Variants in LUZP2 observed in about 807,000 individuals in gnomAD.
The protein encoded by LUZP2 is leucine zipper protein 2.
In LUZP2, 52 loss-of-function variants were observed where a neutral mutation model predicts 51.6. The observed-to-expected ratio is 1.01, with a 90% CI of 0.81 to 1.27. LUZP2 has a LOEUF of 1.27. Among genes scored for constraint, LUZP2 ranks in the 50% most tolerant of loss-of-function variants. LUZP2 has a pLI of 0.00. For missense variants in LUZP2, 436 were observed against 395.4 expected (o/e 1.10, Z -0.87); for synonymous variants, 154 against 137.3 (o/e 1.12, Z -0.85).
At chr11:24,741,909 A>G (rs924350276) in intron 4 of LUZP2, among the ~76,000 whole-genome samples, 2 of 118,762 alleles carry the variant, frequency 1.7e-5, no homozygotes, top group African/African-American at 8.6e-5. Flanking sequence ...ATATTTCTAT[A>G]TAATATATAC....
At chr11:24,654,994 A>G (rs1252080198) in intron 1 of LUZP2, among the ~76,000 whole-genome samples, 1 of 152,228 alleles carries the variant, frequency 6.6e-6, no homozygotes, top group Non-Finnish European at 1.5e-5. Flanking sequence ...GCCAAAAAAC[A>G]TAAGTTTTAA....
At chr11:24,659,604 T>G (rs1428486795) in intron 1 of LUZP2, among the ~76,000 whole-genome samples, 3 of 152,058 alleles carry the variant, frequency 2.0e-5, no homozygotes, top group Non-Finnish European at 4.4e-5. Context: ...TTAAATCTTT[T>G]CATATTCTAA....
chr11:24,918,058 G>T (rs1426225462), intron 7 of LUZP2, among the ~76,000 whole-genome samples: 1 of 151,932 alleles, frequency 6.6e-6, no homozygotes, highest in Non-Finnish European at 1.5e-5. Context: ...CACATCCCTT[G>T]TAAGTTGGAT....
Position 24,753,687 on chromosome 11 carries a change from A to G in LUZP2, c.334-9559A>G, listed in dbSNP as rs545697521. 2.6e-3 allele frequency among the ~76,000 whole-genome samples: 403 copies of G among 152,216 alleles called. 2 individuals are homozygous for G. Among genetic ancestry groups the G allele is most frequent in the African/African-American group, 9.1e-3 (379 of 41,520 alleles). ...CTTTTATAATCCTATCCATTTTTAC[A>G]TTTTTAAGTTCTTGTCCCAGGAACT... On this transcript the variant is annotated intron_variant, in intron 4 of 11. Coordinates refer to ENST00000336930, the MANE Select transcript of LUZP2 (RefSeq NM_001009909.4).
chr11:25,044,952 C>T (rs952996885), intron 9 of LUZP2, among the ~76,000 whole-genome samples: 4 of 150,270 alleles, frequency 2.7e-5, no homozygotes, highest in Non-Finnish European at 5.9e-5. Context: ...AGCAAAGTAT[C>T]GCAAGGACAA....
chr11:24,905,092 T>C (rs754812887), intron 5 of LUZP2, among the ~76,000 whole-genome samples: 21 of 152,192 alleles, frequency 1.4e-4, no homozygotes, highest in Admixed American at 6.5e-4. Flanking sequence ...ATATGCATCC[T>C]ACACTGGAGC....
intron 1 of LUZP2, among the ~76,000 whole-genome samples, chr11:24,555,038 T>G (rs1177874939): frequency 3.3e-5 from 5 of 152,154 alleles, no homozygotes; most frequent in African/African-American, 1.2e-4. Flanking sequence ...CTGGCCAAAC[T>G]ATCATTGATG....
chr11:24,918,781 T>G (rs1433095168), intron 7 of LUZP2, among the ~76,000 whole-genome samples: 1 of 148,688 alleles, frequency 6.7e-6, no homozygotes, highest in African/African-American at 2.5e-5. Flanking sequence ...TCTATTTCCC[T>G]TTGTATGAAT....
At chr11:24,696,645 A>G (rs1857255723) in intron 1 of LUZP2, among the ~76,000 whole-genome samples, 1 of 152,126 alleles carries the variant, frequency 6.6e-6, no homozygotes, top group African/African-American at 2.4e-5. Context: ...TAAAATGACA[A>G]AAAGAAAAAA....
intron 5 of LUZP2, among the ~76,000 whole-genome samples, chr11:24,862,232 G>T (rs999008733): frequency 7.9e-5 from 12 of 152,044 alleles, no homozygotes; most frequent in Admixed American, 6.6e-5. Context: ...CAAGAGATTG[G>T]GGACCAAAAT....
intron 7 of LUZP2, among the ~76,000 whole-genome samples, chr11:24,925,970 C>T (rs2133823766): frequency 6.6e-6 from 1 of 152,000 alleles, no homozygotes; most frequent in East Asian, 1.9e-4. Flanking sequence ...TTAGCTCCCA[C>T]TTATGAGAGA....
At chr11:24,742,376 T>A (rs1362841599) in intron 4 of LUZP2, among the ~76,000 whole-genome samples, 1 of 151,976 alleles carries the variant, frequency 6.6e-6, no homozygotes, top group Non-Finnish European at 1.5e-5. Flanking sequence ...GTTTATCGAT[T>A]TTTTGATTAT....
At chr11:24,748,460 C>T (rs544768143) in intron 4 of LUZP2, among the ~76,000 whole-genome samples, 14 of 150,310 alleles carry the variant, frequency 9.3e-5, no homozygotes, top group African/African-American at 3.2e-4. Flanking sequence ...TTCTTGTTAA[C>T]TTCCTTTTTT....
At chr11:24,962,555 A>G (rs1855446465) in intron 7 of LUZP2, among the ~76,000 whole-genome samples, 1 of 152,188 alleles carries the variant, frequency 6.6e-6, no homozygotes, top group African/African-American at 2.4e-5. Context: ...AGTTGATGGC[A>G]TCGGCTCCTG....
chr11:24,753,939 T>C (rs75273096), intron 4 of LUZP2, among the ~76,000 whole-genome samples: 4,359 of 152,282 alleles, frequency 0.029, 96 homozygotes, highest in South Asian at 0.1. Flanking sequence ...GCAAACTGGT[T>C]TGGGGCCCTT....
chr11:24,642,129 C>A (rs1291985626), intron 1 of LUZP2, among the ~76,000 whole-genome samples: 1 of 151,772 alleles, frequency 6.6e-6, no homozygotes. Flanking sequence ...ACCTCATGAT[C>A]CACCAGCCTT....
intron 5 of LUZP2, among the ~76,000 whole-genome samples, chr11:24,872,272 T>C (rs1010892451): frequency 1.3e-5 from 2 of 152,140 alleles, no homozygotes; most frequent in African/African-American, 4.8e-5. Flanking sequence ...AATTCAGTAT[T>C]GTGATGAAGG....
At chr11:24,865,210 C>A (rs984663383) in intron 5 of LUZP2, among the ~76,000 whole-genome samples, 1 of 152,170 alleles carries the variant, frequency 6.6e-6, no homozygotes, top group East Asian at 1.9e-4. Flanking sequence ...GGCTTATTCC[C>A]TCTCAGGTAA....
intron 10 of LUZP2, among the ~76,000 whole-genome samples, chr11:25,061,267 A>G (rs967417930): frequency 2.4e-4 from 37 of 152,116 alleles, no homozygotes; most frequent in African/African-American, 8.7e-4. Flanking sequence ...GTAATTACCA[A>G]GGTTTGTCTT....
Sources: allele counts gnomAD v4.1 joint callset (sites outside exome capture counted in the v4.1 genomes callset), GRCh38; gene constraint gnomAD v4.1.1; transcripts MANE v1.5; gene names NCBI Gene and HGNC (gene_info 2026-07-23, HGNC 2026-07-21).